The following SMIM8 variants were observed in gnomAD, a reference collection of about 807,000 sequenced individuals.
The protein encoded by SMIM8 is small integral membrane protein 8, also known as UPF0708 protein C6orf162.
Under a neutral mutation model 8.1 loss-of-function variants are expected in SMIM8, and 8 were observed. That is an observed-to-expected ratio of 0.99 (90% CI 0.58 to 1.78). The LOEUF (loss-of-function observed/expected upper bound fraction) is 1.78. Among genes scored for constraint, SMIM8 ranks in the 40% most tolerant of loss-of-function variants. The pLI, the probability that SMIM8 is intolerant of heterozygous loss-of-function variation, is 0.00. For synonymous variants in SMIM8, 45 were observed against 39.7 expected (o/e 1.13, Z -0.50); for missense variants, 126 against 119.8 (o/e 1.05, Z -0.24).
At chr6:87,331,197 G>T (rs1386272817) in intron 2 of SMIM8, among the ~76,000 whole-genome samples, 1 of 152,220 alleles carries the variant, frequency 6.6e-6, no homozygotes, top group African/African-American at 2.4e-5. Context: ...AGTAAGAGAA[G>T]AAGGTGGAGA....
chr6:87,337,031 G>A lies in SMIM8; in HGVS notation c.-1G>A. 1.9e-6 allele frequency: 3 copies of A among 1,596,396 alleles called. No individual in the cohort carries two copies. The highest frequency in any genetic ancestry group is 1.2e-5 in the South Asian group (1 of 85,800). ...TAGATAATAAATCATCATTGATCAA[G>A]ATGTCTTCAGCACCTGAGCCTCCAA... On this transcript the variant is annotated 5_prime_UTR_variant, in exon 3 of 4. Coordinates refer to ENST00000392863, the MANE Select transcript of SMIM8 (RefSeq NM_001042493.3).
chr6:87,330,010 C>G (rs888681424), intron 1 of SMIM8, among the ~76,000 whole-genome samples: 12 of 152,286 alleles, frequency 7.9e-5, no homozygotes, highest in Admixed American at 3.3e-4. Context: ...AGAGTTGTCA[C>G]TTAAAGACAC....
intron 1 of SMIM8, among the ~76,000 whole-genome samples, chr6:87,326,060 G>A (rs1272939109): frequency 6.6e-6 from 1 of 152,206 alleles, no homozygotes; most frequent in African/African-American, 2.4e-5. Flanking sequence ...GCATAGAGCT[G>A]TTTGTAGTAT....
intron 1 of SMIM8, among the ~76,000 whole-genome samples, chr6:87,326,301 TCTG>T (rs1450647198): frequency 6.6e-6 from 1 of 152,254 alleles, no homozygotes; most frequent in East Asian, 1.9e-4. Context: ...TTTCTTGCCT[TCTG>T]CTAGCTTTTG....
chr6:87,334,945 G>A (rs1216587742), intron 2 of SMIM8, among the ~76,000 whole-genome samples: 2 of 152,182 alleles, frequency 1.3e-5, no homozygotes, highest in Non-Finnish European at 2.9e-5. Context: ...GATCATGTAG[G>A]GGTTGAGTTT....
chr6:87,339,436 T>TTGTG lies in SMIM8; in HGVS notation c.136-656_136-653dup, dbSNP rs150051963. On this transcript the variant is annotated intron_variant, in intron 3 of 3. Coordinates refer to ENST00000392863, the MANE Select transcript of SMIM8 (RefSeq NM_001042493.3). The stretch of plus-strand genomic sequence containing the variant: ...AGCGTGTGTGTGTGTGTGTGTGTGT[T>TTGTG]TGTGTGTGTGTGTGTGTGTGTGTGT... 3.8e-4 allele frequency among the ~76,000 whole-genome samples: 43 copies of TTGTG among 113,230 alleles called. 2 individuals carry two copies. Among genetic ancestry groups the TTGTG allele is most frequent in the Admixed American group, 2.6e-3 (28 of 10,724 alleles). The allele number at this position is 113,230 out of a possible 152,430, so 74.3% of individuals were successfully genotyped here. A position where few individuals can be genotyped will look rare whatever the true frequency, so the allele number is the denominator to read the frequency against.
At chr6:87,332,344 A>ATATATATATAT (rs1490339070) in intron 2 of SMIM8, among the ~76,000 whole-genome samples, 2 of 143,334 alleles carry the variant, frequency 1.4e-5, no homozygotes, top group African/African-American at 5.4e-5. Context: ...TATATATATA[A>ATATATATATAT]ATGACAGCAG....
chr6:87,334,567 A>G (rs1398809936), intron 2 of SMIM8, among the ~76,000 whole-genome samples: 1 of 152,074 alleles, frequency 6.6e-6, no homozygotes, highest in Non-Finnish European at 1.5e-5. Context: ...TCCTCCCAAA[A>G]TAGTGGGATT....
rs769940553 is a variant in SMIM8 at position 87,340,087 on chromosome 6, A to T, written c.136-29A>T. ...TCTCCTCAAATTGTTAGTCTTACTA[A>T]AGCTTTATAATTTTTTTTTCTTTGA... On this transcript the variant is annotated intron_variant, in intron 3 of 3. Coordinates refer to ENST00000392863, the MANE Select transcript of SMIM8 (RefSeq NM_001042493.3). 6.6e-6 allele frequency: 10 copies of T among 1,506,960 alleles called. No individual in the cohort carries two copies. The South Asian group carries it at 6.9e-5, about 10-fold the overall frequency. 93.3% of individuals were successfully genotyped at this position (1,506,960 alleles called of 1,614,324 possible). A position where few individuals can be genotyped will look rare whatever the true frequency, so the allele number is the denominator to read the frequency against.
chr6:87,338,800 G>A (rs1777162388), intron 3 of SMIM8, among the ~76,000 whole-genome samples: 2 of 151,880 alleles, frequency 1.3e-5, no homozygotes, highest in Admixed American at 6.6e-5. Flanking sequence ...AACTCGTTGA[G>A]TGTGAACATG....
intron 2 of SMIM8, among the ~76,000 whole-genome samples, chr6:87,334,418 G>A (rs1321435411): frequency 1.3e-5 from 2 of 151,844 alleles, no homozygotes; most frequent in Non-Finnish European, 2.9e-5. Context: ...AAAATTGCTG[G>A]TTACAGCTTC....
chr6:87,336,972 A>G (rs1004755141), intron 2 of SMIM8, 37 bp from the exon 3 acceptor site: 26 of 1,479,218 alleles, frequency 1.8e-5, no homozygotes, highest in Admixed American at 2.3e-5. Context: ...AGAGAAGCAC[A>G]ATTATGAAGG....
intron 1 of SMIM8, among the ~76,000 whole-genome samples, chr6:87,325,539 T>A (rs983745726): frequency 6.7e-6 from 1 of 149,682 alleles, no homozygotes; most frequent in African/African-American, 2.5e-5. Context: ...GGTTTTTGTC[T>A]TTGGTTCTGT....
Position 87,337,067 on chromosome 6 carries a change from G to A in SMIM8, c.36G>A (p.Lys12=), listed in dbSNP as rs1777129407. The change falls in exon 3 of 4, where the codon AAG becomes AAA. Residue 12 remains lysine (K), a synonymous_variant. Transcript: ENST00000392863. The stretch of plus-strand genomic sequence containing the variant: ...CACCTGAGCCTCCAACATTCAAAAA[G>A]GAACCACCCAAAGAGAAAGAGTTTC... ...SSAPEPPTFK[K]EPPKEKEFQS... 5 of 1,612,234 alleles carry A rather than the reference G, an allele frequency of 3.1e-6. No homozygotes were observed. In the South Asian group the frequency reaches 5.5e-5, roughly 18 times the overall value.
chr6:87,333,737 G>C (rs185096207), intron 2 of SMIM8, among the ~76,000 whole-genome samples: 1 of 152,336 alleles, frequency 6.6e-6, no homozygotes, highest in East Asian at 1.9e-4. Flanking sequence ...AAGTGAATGT[G>C]AGGTCCCTTT....
intron 1 of SMIM8, among the ~76,000 whole-genome samples, chr6:87,326,580 A>G (rs1409971346): frequency 6.7e-6 from 1 of 148,858 alleles, no homozygotes; most frequent in Non-Finnish European, 1.5e-5. Flanking sequence ...AGTGGTTTTG[A>G]GTGAGATTCT....
At chr6:87,340,086 A>G in intron 3 of SMIM8, 30 bp from the exon 4 acceptor site, 1 of 1,505,394 alleles carries the variant, frequency 6.6e-7, no homozygotes, top group Non-Finnish European at 8.8e-7. Flanking sequence ...TAGTCTTACT[A>G]AAGCTTTATA....
chr6:87,332,996 G>A (rs1170808497), intron 2 of SMIM8, among the ~76,000 whole-genome samples: 3 of 152,116 alleles, frequency 2.0e-5, no homozygotes, highest in Non-Finnish European at 4.4e-5. Context: ...CATTTGTGTT[G>A]CTATAAAGGA....
intron 1 of SMIM8, chr6:87,329,159 C>G (rs1221230300): frequency 6.4e-6 from 1 of 156,194 alleles, no homozygotes; most frequent in Non-Finnish European, 1.4e-5. Context: ...GTCTGGCACT[C>G]CCTAGTGAGA....
Sources: gnomAD v4.1 joint callset for allele counts (sites outside exome capture counted in the v4.1 genomes callset) on GRCh38, gnomAD v4.1.1 for gene constraint, MANE v1.5 for transcripts, NCBI Gene and HGNC (gene_info 2026-07-23, HGNC 2026-07-21) for gene names.